TMEM132C: variants seen among roughly 807,000 people sequenced by gnomAD.
TMEM132C encodes the protein transmembrane protein 132C, also known as protein phosphatase 1, regulatory subunit 152.
TMEM132C carries 29 observed loss-of-function variants against 61.4 expected under a neutral mutation model. The ratio of observed to expected loss-of-function variants is 0.47; its 90% CI spans 0.35 to 0.64. TMEM132C has a LOEUF of 0.64. TMEM132C is among the 30% of genes least tolerant of loss of function. The pLI is 0.00. For missense variants in TMEM132C, 1,408 were observed against 1,476.9 expected (o/e 0.95, Z 0.76); for synonymous variants, 656 against 633.1 (o/e 1.04, Z -0.54).
intron 1 of TMEM132C, among the ~76,000 whole-genome samples, chr12:128,332,472 G>C (rs997277916): frequency 6.6e-6 from 1 of 152,142 alleles, no homozygotes; most frequent in African/African-American, 2.4e-5. Context: ...TTCTCTCTCT[G>C]CTGTGAGCCA....
At chr12:128,550,368 A>G (rs1246351169) in intron 3 of TMEM132C, among the ~76,000 whole-genome samples, 2 of 151,432 alleles carry the variant, frequency 1.3e-5, no homozygotes, top group African/African-American at 4.9e-5. Context: ...AGTGGTGTAA[A>G]CAGGACTCAC....
chr12:128,507,964 G>C (rs905400115), intron 2 of TMEM132C, among the ~76,000 whole-genome samples: 3 of 152,130 alleles, frequency 2.0e-5, no homozygotes, highest in Non-Finnish European at 4.4e-5. Flanking sequence ...CTAACATATT[G>C]TCTGATCTGT....
intron 1 of TMEM132C, among the ~76,000 whole-genome samples, chr12:128,357,484 C>G (rs1274180435): frequency 1.3e-5 from 2 of 152,090 alleles, no homozygotes; most frequent in East Asian, 3.9e-4. Context: ...ATCACAAGGT[C>G]AGGAGTTTGA....
chr12:128,522,072 C>G (rs1159607716), intron 2 of TMEM132C, among the ~76,000 whole-genome samples: 1 of 152,146 alleles, frequency 6.6e-6, no homozygotes, highest in East Asian at 1.9e-4. Context: ...TTTTCCAGAC[C>G]TAAACTTGGG....
intron 2 of TMEM132C, among the ~76,000 whole-genome samples, chr12:128,501,588 G>A (rs765481654): frequency 5.3e-5 from 8 of 152,264 alleles, no homozygotes; most frequent in South Asian, 2.1e-4. Flanking sequence ...GGGCTGTGAC[G>A]TGCTCTACCA....
At chr12:128,463,371 T>G (rs1239529385) in intron 2 of TMEM132C, among the ~76,000 whole-genome samples, 1 of 152,022 alleles carries the variant, frequency 6.6e-6, no homozygotes, top group African/African-American at 2.4e-5. Context: ...CGGGCTGGAG[T>G]GCAATGACGC....
At chr12:128,517,563 G>C (rs1872760265) in intron 2 of TMEM132C, among the ~76,000 whole-genome samples, 1 of 152,212 alleles carries the variant, frequency 6.6e-6, no homozygotes, top group East Asian at 1.9e-4. Flanking sequence ...GGATGGAGAA[G>C]TGAATAGGTA....
At chr12:128,510,170 T>C (rs991380363) in intron 2 of TMEM132C, among the ~76,000 whole-genome samples, 22 of 152,200 alleles carry the variant, frequency 1.4e-4, no homozygotes, top group Non-Finnish European at 8.8e-5. Flanking sequence ...GTTTGCTTTC[T>C]TCTTTCTTTT....
intron 1 of TMEM132C, among the ~76,000 whole-genome samples, chr12:128,308,774 C>A (rs1029000349): frequency 2.0e-5 from 3 of 152,200 alleles, no homozygotes; most frequent in African/African-American, 7.2e-5. Context: ...CGGGGGTTTG[C>A]TCTGCTGGTC....
chr12:128,640,364 A>G (rs957376500), intron 4 of TMEM132C, among the ~76,000 whole-genome samples: 1 of 152,190 alleles, frequency 6.6e-6, no homozygotes, highest in Non-Finnish European at 1.5e-5. Context: ...CCTAAGTAAA[A>G]GAAACCAGTC....
chr12:128,599,561 T>C (rs1390753611), intron 3 of TMEM132C, among the ~76,000 whole-genome samples: 2 of 152,216 alleles, frequency 1.3e-5, no homozygotes, highest in Admixed American at 6.5e-5. Flanking sequence ...CCTTTTTAAC[T>C]GTGGCTGCAC....
chr12:128,348,899 C>G (rs1301541032), intron 1 of TMEM132C, among the ~76,000 whole-genome samples: 1 of 152,188 alleles, frequency 6.6e-6, no homozygotes, highest in Non-Finnish European at 1.5e-5. Flanking sequence ...AGAGAATTGG[C>G]TGAAAATACC....
At chr12:128,696,702 C>T (rs1193386980) in intron 7 of TMEM132C, among the ~76,000 whole-genome samples, 2 of 152,216 alleles carry the variant, frequency 1.3e-5, no homozygotes, top group African/African-American at 2.4e-5. Context: ...AGGATCCTTA[C>T]ACCATATGTG....
intron 3 of TMEM132C, among the ~76,000 whole-genome samples, chr12:128,590,981 C>T (rs1875729542): frequency 6.6e-6 from 1 of 152,102 alleles, no homozygotes; most frequent in South Asian, 2.1e-4. Context: ...AGGGGCCTCA[C>T]TATGTTGCCC....
At chr12:128,517,175 G>A (rs1243393458) in intron 2 of TMEM132C, among the ~76,000 whole-genome samples, 1 of 151,696 alleles carries the variant, frequency 6.6e-6, no homozygotes, top group East Asian at 1.9e-4. Context: ...AGGTTGCAGT[G>A]AGGCGAGATC....
In TMEM132C at chr12:128,619,178, C is replaced by T. The variant is rs1260715698; in HGVS notation, c.1305+2843C>T. Among the ~76,000 whole-genome samples, 7 of 152,088 alleles carry T rather than the reference C, an allele frequency of 4.6e-5. No homozygotes were observed. In the South Asian group the frequency reaches 1.5e-3, roughly 32 times the overall value. ...TGAGACAGCTGGTTAGATCTTTGAACCAATTAAGCATATTTTCCAATTTGT... is the reference window on the plus strand; with the variant it reads ...TGAGACAGCTGGTTAGATCTTTGAATCAATTAAGCATATTTTCCAATTTGT... On this transcript the variant is annotated intron_variant, in intron 4 of 8. Coordinates refer to ENST00000435159, the MANE Select transcript of TMEM132C (RefSeq NM_001136103.3).
chr12:128,617,141 G>T (rs538867362), intron 4 of TMEM132C, among the ~76,000 whole-genome samples: 25 of 152,300 alleles, frequency 1.6e-4, no homozygotes, highest in African/African-American at 4.3e-4. Context: ...AGGAGGTCTG[G>T]GTTGGGTACT....
At chr12:128,620,795 GT>G (rs985606325) in intron 4 of TMEM132C, among the ~76,000 whole-genome samples, 15 of 147,956 alleles carry the variant, frequency 1.0e-4, no homozygotes, top group African/African-American at 2.7e-4. Flanking sequence ...AGTAACTTGG[GT>G]TTTTTTTTTC....
intron 1 of TMEM132C, among the ~76,000 whole-genome samples, chr12:128,317,735 A>G (rs1292521970): frequency 6.6e-6 from 1 of 152,176 alleles, no homozygotes; most frequent in Non-Finnish European, 1.5e-5. Flanking sequence ...AAATACAAAA[A>G]TTAGCCAGTC....
Sources: gnomAD v4.1 joint callset for allele counts (sites outside exome capture counted in the v4.1 genomes callset) on GRCh38, gnomAD v4.1.1 for gene constraint, MANE v1.5 for transcripts, NCBI Gene and HGNC (gene_info 2026-07-23, HGNC 2026-07-21) for gene names.